SUN1: variants seen among roughly 807,000 people sequenced by gnomAD.
SUN1 encodes SUN domain-containing protein 1.
A neutral mutation model predicts 103.2 loss-of-function variants in SUN1; 61 were observed. The ratio of observed to expected loss-of-function variants is 0.59; its 90% CI spans 0.48 to 0.73. The LOEUF (loss-of-function observed/expected upper bound fraction) is 0.73. SUN1 is among the 30% of genes least tolerant of loss of function. SUN1 has a pLI of 0.00. For synonymous variants in SUN1, 490 were observed against 425.7 expected, an observed-to-expected ratio of 1.15 and a Z score of -1.86; for missense variants, 1,052 against 1,034.6, an observed-to-expected ratio of 1.02 and a Z score of -0.23.
intron 3 of SUN1, chr7:842,872 A>G (rs1337992888): frequency 2.1e-6 from 1 of 472,352 alleles, no homozygotes; most frequent in Non-Finnish European, 3.9e-6. Context: ...ACAGAGAGGC[A>G]TCTGCTGCTG....
In SUN1 at chr7:853,659, C is replaced by T. The variant is rs530635235; in HGVS notation, c.1263+41C>T. 21 of 1,585,352 alleles carry T rather than the reference C, an allele frequency of 1.3e-5. 1 individual carries two copies. The highest frequency in any genetic ancestry group is 8.9e-5 in the South Asian group (8 of 89,894). On this transcript the variant is annotated intron_variant, in intron 10 of 18. Coordinates refer to ENST00000401592, the MANE Select transcript of SUN1 (RefSeq NM_001130965.3). ...CTACCAGGCTCCATGGTGACACCAA[C>T]GCGCTTCTGGGTGCCATGTTCTCTC... is the stretch of plus-strand genomic sequence containing the variant.
chr7:848,350 C>T, intron 5 of SUN1: 3 of 1,281,508 alleles, frequency 2.3e-6, no homozygotes, highest in East Asian at 4.8e-5. Flanking sequence ...ATTTGGCTAC[C>T]TGACTTATCA....
At chr7:838,403 C>T (rs537543869) in intron 1 of SUN1, among the ~76,000 whole-genome samples, 47 of 152,272 alleles carry the variant, frequency 3.1e-4, no homozygotes, top group African/African-American at 1.1e-3. Flanking sequence ...CATTCTACGG[C>T]GCACTGGTGT....
At chr7:855,358 G>C (rs369013311) in intron 11 of SUN1, among the ~76,000 whole-genome samples, 6 of 152,216 alleles carry the variant, frequency 3.9e-5, no homozygotes, top group African/African-American at 9.7e-5. Flanking sequence ...GTCTTCAGAG[G>C]GGGGATAAAG....
chr7:846,799 C>G (rs1277012381), intron 5 of SUN1, among the ~76,000 whole-genome samples: 1 of 151,758 alleles, frequency 6.6e-6, no homozygotes, highest in African/African-American at 2.4e-5. Context: ...ATCGCTTGAG[C>G]TCAGGAGGCT....
chr7:846,458 A>G (rs1815878298), intron 5 of SUN1, among the ~76,000 whole-genome samples: 1 of 151,984 alleles, frequency 6.6e-6, no homozygotes. Flanking sequence ...CTGTAGTCCC[A>G]GCTACTTGGG....
chr7:835,307 G>A (rs989403498), intron 1 of SUN1, among the ~76,000 whole-genome samples: 1 of 152,202 alleles, frequency 6.6e-6, no homozygotes, highest in African/African-American at 2.4e-5. Context: ...GACAGGGTGG[G>A]CCCGAACACT....
chr7:824,237 G>T (rs1315381358), intron 1 of SUN1, among the ~76,000 whole-genome samples: 2 of 152,244 alleles, frequency 1.3e-5, no homozygotes, highest in Non-Finnish European at 2.9e-5. Context: ...AACACAAAAA[G>T]ATGTTTCACG....
chr7:873,073 C>G (rs1842829777), intron 18 of SUN1, 142 bp from the exon 19 acceptor site: 1 of 794,760 alleles, frequency 1.3e-6, no homozygotes, highest in South Asian at 1.6e-5. Context: ...GGTGACAGGG[C>G]AAGACTCTGT....
chr7:856,964 G>A (rs1014101308), intron 12 of SUN1, among the ~76,000 whole-genome samples: 1 of 152,208 alleles, frequency 6.6e-6, no homozygotes, highest in Non-Finnish European at 1.5e-5. Flanking sequence ...CCATGGCACA[G>A]CCGGGTCCCT....
At chr7:827,457 C>G (rs1159729667) in intron 1 of SUN1, among the ~76,000 whole-genome samples, 2 of 148,890 alleles carry the variant, frequency 1.3e-5, no homozygotes, top group Admixed American at 1.3e-4. Flanking sequence ...GGACTAAAAT[C>G]TAAAGTCCGT....
rs1033112267 is a variant in SUN1 at position 873,555 on chromosome 7, G to T, written c.*224G>T. On this transcript the variant is annotated 3_prime_UTR_variant, in exon 19 of 19. Transcript: ENST00000401592. ...CAGAGGGGTCAGCAGCAGGAGAAGCGTGTTGAACACGTGGCTCTCAGACAC... is the reference window on the plus strand; with the variant it reads ...CAGAGGGGTCAGCAGCAGGAGAAGCTTGTTGAACACGTGGCTCTCAGACAC... 4 of 501,482 alleles carry T rather than the reference G, an allele frequency of 8.0e-6. No individual in the cohort carries two copies. The highest frequency in any genetic ancestry group is 2.0e-5 in the African/African-American group (1 of 51,276). The allele number at this position is 501,482 out of a possible 1,614,324, so 31.1% of individuals were successfully genotyped here.
chr7:851,632 A>G, intron 6 of SUN1, 150 bp downstream of exon 6: 3 of 748,386 alleles, frequency 4.0e-6, no homozygotes, highest in Non-Finnish European at 6.6e-6. Flanking sequence ...ATGACGTAGC[A>G]ATGTTAACTG....
chr7:858,937 T>C (rs567392982), intron 13 of SUN1, among the ~76,000 whole-genome samples: 9 of 152,106 alleles, frequency 5.9e-5, no homozygotes, highest in Admixed American at 1.3e-4. Flanking sequence ...GCGGATCACC[T>C]GAGGTCAGAA....
At chr7:841,446 G>A (rs1018504456) in intron 2 of SUN1, among the ~76,000 whole-genome samples, 1 of 151,830 alleles carries the variant, frequency 6.6e-6, no homozygotes, top group Non-Finnish European at 1.5e-5. Flanking sequence ...GTTTCACCGT[G>A]TTGGCCAGGA....
At chr7:835,394 C>G (rs1287431949) in intron 1 of SUN1, among the ~76,000 whole-genome samples, 1 of 152,226 alleles carries the variant, frequency 6.6e-6, no homozygotes, top group Non-Finnish European at 1.5e-5. Context: ...TTTAAAATAA[C>G]CCAAATACCA....
chr7:840,430 C>T lies in SUN1; in HGVS notation c.266+1444C>T, dbSNP rs565466701. 3.3e-5 allele frequency among the ~76,000 whole-genome samples: 5 copies of T among 152,332 alleles called. No homozygotes were observed. The South Asian group carries it at 1.0e-3, about 32-fold the overall frequency. ...ACTGCCACGCCGCGCTCTGCCGCGC[C>T]ACGCTCCTGTGGCCGTCGTCCTCCC... is the stretch of plus-strand genomic sequence containing the variant. On this transcript the variant is annotated intron_variant, in intron 2 of 18. Transcript: ENST00000401592.
intron 14 of SUN1, among the ~76,000 whole-genome samples, 161 bp downstream of exon 14, chr7:860,543 C>T (rs1057273097): frequency 2.6e-5 from 4 of 152,168 alleles, no homozygotes; most frequent in African/African-American, 7.2e-5. Context: ...TGGGCAGTGC[C>T]GTGTGTGGAG....
intron 14 of SUN1, among the ~76,000 whole-genome samples, chr7:860,819 C>T (rs535103633): frequency 1.3e-5 from 2 of 152,288 alleles, no homozygotes; most frequent in African/African-American, 4.8e-5. Flanking sequence ...GGAGCAAAGT[C>T]GTGTCTTATA....
Sources: gnomAD v4.1 joint callset for allele counts (sites outside exome capture counted in the v4.1 genomes callset) on GRCh38, gnomAD v4.1.1 for gene constraint, MANE v1.5 for transcripts, NCBI Gene and HGNC (gene_info 2026-07-23, HGNC 2026-07-21) for gene names.